The following ARHGEF11 variants were observed in gnomAD, a reference collection of about 807,000 sequenced individuals.
ARHGEF11 encodes the protein Rho guanine exchange factor (GEF) 11.
ARHGEF11 carries 55 observed loss-of-function variants against 193.7 expected under a neutral mutation model. The observed-to-expected ratio is 0.28, with a 90% CI of 0.23 to 0.36. The LOEUF (loss-of-function observed/expected upper bound fraction) is 0.36, where lower values mean the gene tolerates loss of function less well. Among genes scored for constraint, ARHGEF11 ranks in the 10% least tolerant of loss-of-function variants. The probability of loss-of-function intolerance (pLI) is 1.00; values close to 1 mark genes in which losing one functional copy is unlikely to be tolerated. For synonymous variants in ARHGEF11, 693 were observed against 768.0 expected, an observed-to-expected ratio of 0.90 and a Z score of 1.62; for missense variants, 1,723 against 2,005.6, an observed-to-expected ratio of 0.86 and a Z score of 2.69.
chr1:157,024,099 C>CA (rs1670341087), intron 1 of ARHGEF11, among the ~76,000 whole-genome samples: 1 of 11,038 alleles, frequency 9.1e-5, no homozygotes, highest in Non-Finnish European at 9.5e-4. Context: ...TATTAATTGG[C>CA]ATAAAAAAAT....
intron 34 of ARHGEF11, 116 bp downstream of exon 34, chr1:156,941,748 T>G: frequency 6.9e-7 from 1 of 1,442,922 alleles, no homozygotes; most frequent in Non-Finnish European, 9.3e-7. Context: ...GTCTGCTCCC[T>G]GCTAGCATTT....
chr1:157,017,900 A>G (rs1026520827), intron 1 of ARHGEF11, among the ~76,000 whole-genome samples: 90 of 152,134 alleles, frequency 5.9e-4, no homozygotes, highest in African/African-American at 2.1e-3. Context: ...AAACTGTCAT[A>G]TTTCCAGACA....
At chr1:156,966,844 T>C (rs762113294) in intron 11 of ARHGEF11, among the ~76,000 whole-genome samples, 4 of 152,172 alleles carry the variant, frequency 2.6e-5, no homozygotes, top group Non-Finnish European at 4.4e-5. Flanking sequence ...ATTTTTCGGG[T>C]TGTTTTAAAT....
At chr1:156,938,629 GGAA>G (rs1656054610) in intron 37 of ARHGEF11, 116 bp from the exon 38 acceptor site, 3 of 860,934 alleles carry the variant, frequency 3.5e-6, no homozygotes, top group Non-Finnish European at 5.5e-6. Context: ...GGAGAAAATG[GGAA>G]GAACAAGGTG....
upstream of ARHGEF11, among the ~76,000 whole-genome samples, chr1:157,045,760 G>C (rs1673253902): frequency 6.6e-6 from 1 of 150,440 alleles, no homozygotes; most frequent in South Asian, 2.1e-4. Context: ...TCGCGGCCGC[G>C]CTCGCCTCCT....
chr1:157,038,426 T>C lies in ARHGEF11; in HGVS notation c.32+5873A>G, dbSNP rs368151038. On this transcript the variant is annotated intron_variant, in intron 1 of 40. Transcript: ENST00000368194. ...GAAGTCAACAATGGTAATAGAGGGA[T>C]ACTAGTGACTTTAAGGCCTACGCTG... Among the ~76,000 whole-genome samples, 39 of 152,372 alleles carry C rather than the reference T, an allele frequency of 2.6e-4. 1 individual carries two copies. The South Asian group carries it at 7.9e-3, about 31-fold the overall frequency.
rs757260782 is a variant in ARHGEF11, at chr1:156,947,970, G to A, written c.2154-14C>T. ...GACTCAATGCTCCTGGGGGAAAACA[G>A]GCAGCTCAGCTTCATTTAGGAGGAA... is the stretch of plus-strand genomic sequence containing the variant. On this transcript the variant is annotated splice_polypyrimidine_tract_variant and intron_variant, in intron 24 of 40. Coordinates refer to ENST00000368194, the MANE Select transcript of ARHGEF11 (RefSeq NM_198236.3). The A allele has an allele frequency of 1.2e-6, 2 of 1,610,666 alleles. No homozygotes were observed. Among genetic ancestry groups the A allele is most frequent in the Non-Finnish European group, 1.7e-6 (2 of 1,177,378 alleles).
At chr1:156,996,462 G>C (rs1380184796) in intron 1 of ARHGEF11, among the ~76,000 whole-genome samples, 1 of 151,974 alleles carries the variant, frequency 6.6e-6, no homozygotes, top group African/African-American at 2.4e-5. Context: ...AGGGACTCTG[G>C]GGAGGCTGTC....
chr1:157,032,433 A>C (rs1004820644), intron 1 of ARHGEF11, among the ~76,000 whole-genome samples: 4 of 152,270 alleles, frequency 2.6e-5, no homozygotes, highest in African/African-American at 9.6e-5. Context: ...GGGAAGTTGT[A>C]ACAATGCAGA....
intron 32 of ARHGEF11, 105 bp downstream of exon 32, chr1:156,943,830 G>T: frequency 7.4e-7 from 1 of 1,347,120 alleles, no homozygotes; most frequent in Non-Finnish European, 1.0e-6. Flanking sequence ...GAACACAGGT[G>T]GACAGGTAGG....
At chr1:156,936,526 A>ATATATATATATATATATATATATAT (rs1655356160) in intron 40 of ARHGEF11, among the ~76,000 whole-genome samples, 1 of 132,374 alleles carries the variant, frequency 7.6e-6, no homozygotes, top group African/African-American at 2.9e-5. Context: ...ATATATATAT[A>ATATATATATATATATATATATATAT]AAATTAAAAA....
chr1:157,011,108 G>C (rs1668486342), intron 1 of ARHGEF11, among the ~76,000 whole-genome samples: 1 of 152,302 alleles, frequency 6.6e-6, no homozygotes. Flanking sequence ...GAAAGCTACA[G>C]TAAGCAAGTC....
chr1:156,941,843 C>T, intron 34 of ARHGEF11, 21 bp downstream of exon 34: 2 of 1,594,236 alleles, frequency 1.3e-6, no homozygotes, highest in Non-Finnish European at 1.7e-6. Context: ...AGTGCAGGGT[C>T]TGGAGGGCTA....
intron 38 of ARHGEF11, among the ~76,000 whole-genome samples, chr1:156,937,930 T>C (rs763451121): frequency 1.3e-5 from 2 of 152,062 alleles, no homozygotes; most frequent in Admixed American, 6.5e-5. Flanking sequence ...CATGCCACGA[T>C]CCTCTGGAGG....
intron 15 of ARHGEF11, 57 bp downstream of exon 15, chr1:156,960,361 G>C: frequency 6.3e-7 from 1 of 1,576,598 alleles, no homozygotes. Context: ...AGCCTCCTGA[G>C]AGCTCAGGAC....
intron 27 of ARHGEF11, 32 bp from the exon 28 acceptor site, chr1:156,946,819 A>G (rs1211793271): frequency 6.2e-7 from 1 of 1,612,708 alleles, no homozygotes; most frequent in East Asian, 2.2e-5. Context: ...GGGGCCAGGC[A>G]TCAAACCCCT....
chr1:157,026,413 T>C (rs1670649406), intron 1 of ARHGEF11, among the ~76,000 whole-genome samples: 2 of 152,024 alleles, frequency 1.3e-5, no homozygotes, highest in Non-Finnish European at 2.9e-5. Context: ...AGCAACACAA[T>C]CTCCAGGGTA....
At chr1:156,963,410 T>A (rs1571269933) in intron 12 of ARHGEF11, 106 bp from the exon 13 acceptor site, 26 of 1,476,514 alleles carry the variant, frequency 1.8e-5, no homozygotes, top group Non-Finnish European at 2.2e-5. Flanking sequence ...AACAGGAGGC[T>A]CCCCGCCTCA....
At chr1:156,963,479 C>CA (rs749972897) in intron 12 of ARHGEF11, 41 bp downstream of exon 12, 552 of 1,559,662 alleles carry the variant, frequency 3.5e-4, no homozygotes, top group African/African-American at 7.2e-4. Context: ...GCTTGTATGA[C>CA]AAAAAAAAAT....
Sources: allele counts gnomAD v4.1 joint callset (sites outside exome capture counted in the v4.1 genomes callset), GRCh38; gene constraint gnomAD v4.1.1; transcripts MANE v1.5; gene names NCBI Gene and HGNC (gene_info 2026-07-23, HGNC 2026-07-21).